Variants in KATNAL1 observed in about 807,000 individuals in gnomAD.
KATNAL1 encodes katanin p60 ATPase-containing subunit A-like 1.
In KATNAL1, 32 loss-of-function variants were observed where a neutral mutation model predicts 55.2. That is an observed-to-expected ratio of 0.58 (90% CI 0.44 to 0.78). The LOEUF (loss-of-function observed/expected upper bound fraction) is 0.78. Ranked by LOEUF, KATNAL1 falls within the 30% of genes least tolerant of loss-of-function variation. KATNAL1 has a pLI of 0.00. For synonymous variants in KATNAL1, 193 were observed against 193.6 expected (o/e 1.00, Z 0.02); for missense variants, 466 against 600.9 (o/e 0.78, Z 2.35).
intron 4 of KATNAL1, among the ~76,000 whole-genome samples, chr13:30,244,391 G>T (rs986511743): frequency 1.3e-5 from 2 of 152,076 alleles, no homozygotes; most frequent in African/African-American, 2.4e-5. Context: ...ATAAACATAC[G>T]TGTACATGTG....
In KATNAL1 at chr13:30,240,602, A is replaced by C. The variant is rs1566100965; in HGVS notation, c.621-37T>G. 6.4e-6 allele frequency: 9 copies of C among 1,395,648 alleles called. No individual in the cohort carries two copies. In the South Asian group the frequency reaches 8.5e-5, roughly 13 times the overall value. 86.5% of individuals were successfully genotyped at this position (1,395,648 alleles called of 1,614,324 possible). On this transcript the variant is annotated intron_variant, in intron 5 of 10. Transcript: ENST00000380615. ...CAGCAAACTTTCATAATGTTTACTC[A>C]GGGATCTTTGATTTATGGTCAAAAC...
intron 3 of KATNAL1, among the ~76,000 whole-genome samples, chr13:30,276,493 G>A (rs1481894270): frequency 1.1e-4 from 16 of 144,230 alleles, no homozygotes; most frequent in Admixed American, 5.5e-4. Flanking sequence ...ATAAAACAGG[G>A]TAAATTACAA....
At chr13:30,295,687 G>A (rs527238456) in intron 1 of KATNAL1, among the ~76,000 whole-genome samples, 2 of 152,226 alleles carry the variant, frequency 1.3e-5, no homozygotes, top group Admixed American at 1.3e-4. Flanking sequence ...ATCTACTCCT[G>A]GTGAAGATGC....
rs183052386 is a variant in KATNAL1, at chr13:30,305,629, G to C, written c.-15+1702C>G. ...AAAATCAGTAACTACTTCACCAACT[G>C]TTTTGAGGATTAAGTAAGGAGTTGC... is the stretch of plus-strand genomic sequence containing the variant. On this transcript the variant is annotated intron_variant, in intron 1 of 10. Transcript: ENST00000380615. Among the ~76,000 whole-genome samples the C allele has an allele frequency of 2.6e-5, 4 of 152,308 alleles. No homozygotes were observed. In the East Asian group the frequency reaches 5.8e-4, roughly 22 times the overall value.
chr13:30,260,763 C>G (rs565313741), intron 3 of KATNAL1, among the ~76,000 whole-genome samples: 2 of 139,266 alleles, frequency 1.4e-5, no homozygotes, highest in East Asian at 2.0e-4. Flanking sequence ...CTGAAAGTGA[C>G]GGGAGAATGG....
chr13:30,275,654 T>C (rs186840897), intron 3 of KATNAL1, among the ~76,000 whole-genome samples: 21 of 152,266 alleles, frequency 1.4e-4, no homozygotes, highest in Non-Finnish European at 2.8e-4. Flanking sequence ...AAGGTGACTG[T>C]AGTTAACAAT....
rs1373050364 is a variant in KATNAL1, at chr13:30,255,626, A to C, written c.324-11T>G. ...ATCTGAGGTGGAGCTCTGACAAAAA[A>C]AAAAAAAAAAAAATTAAAATTAAAA... On this transcript the variant is annotated splice_polypyrimidine_tract_variant and intron_variant, in intron 3 of 10. Transcript: ENST00000380615. 1 of 1,390,444 alleles carries C rather than the reference A, an allele frequency of 7.2e-7. No homozygotes were observed. The highest frequency in any genetic ancestry group is 9.4e-7 in the Non-Finnish European group (1 of 1,064,802). 86.1% of individuals were successfully genotyped at this position (1,390,444 alleles called of 1,614,324 possible).
chr13:30,287,161 G>T (rs1044592772), intron 1 of KATNAL1, among the ~76,000 whole-genome samples: 7 of 152,188 alleles, frequency 4.6e-5, no homozygotes, highest in Non-Finnish European at 1.0e-4. Context: ...GGAAAGGAAT[G>T]ATTTGCAATG....
rs528844771 is a variant in KATNAL1, at chr13:30,307,442, A to G, written c.-126T>C. ...AGTCCGTTAGCTCGCGACGTGCGTG[A>G]AAAGGCGGCGGCGGCGTAGTGTTGC... On this transcript the variant is annotated 5_prime_UTR_variant, in exon 1 of 11. Transcript: ENST00000380615. 2.6e-5 allele frequency: 4 copies of G among 152,968 alleles called. No individual in the cohort carries two copies. The East Asian group carries it at 7.7e-4, about 29-fold the overall frequency. 9.5% of individuals were successfully genotyped at this position (152,968 alleles called of 1,614,324 possible). A position where few individuals can be genotyped will look rare whatever the true frequency, so the allele number is the denominator to read the frequency against.
At chr13:30,282,689 T>C (rs1158853068) in intron 2 of KATNAL1, among the ~76,000 whole-genome samples, 2 of 148,882 alleles carry the variant, frequency 1.3e-5, no homozygotes, top group Non-Finnish European at 3.0e-5. Context: ...GCGTGGTGGC[T>C]CATGCTTGTA....
intron 4 of KATNAL1, among the ~76,000 whole-genome samples, chr13:30,249,203 A>T (rs915189668): frequency 2.6e-5 from 4 of 152,192 alleles, no homozygotes; most frequent in Admixed American, 2.0e-4. Context: ...TTGAACTCCA[A>T]CCTAGGCGAC....
At chr13:30,216,394 C>T (rs564835597) in intron 9 of KATNAL1, among the ~76,000 whole-genome samples, 1 of 152,268 alleles carries the variant, frequency 6.6e-6, no homozygotes, top group Non-Finnish European at 1.5e-5. Context: ...GTCTGCTTCA[C>T]CAGCTACTGG....
At chr13:30,287,832 C>G (rs557945535) in intron 1 of KATNAL1, among the ~76,000 whole-genome samples, 1 of 152,280 alleles carries the variant, frequency 6.6e-6, no homozygotes, top group South Asian at 2.1e-4. Flanking sequence ...TGATACAAAT[C>G]AGGGGTTGCC....
chr13:30,210,890 G>C (rs1160659738), intron 9 of KATNAL1, among the ~76,000 whole-genome samples: 1 of 152,110 alleles, frequency 6.6e-6, no homozygotes, highest in Admixed American at 6.5e-5. Context: ...TGGATCTCCA[G>C]AACTCTTATC....
At chr13:30,223,796 A>C (rs183296198) in intron 9 of KATNAL1, among the ~76,000 whole-genome samples, 1 of 152,364 alleles carries the variant, frequency 6.6e-6, no homozygotes, top group Non-Finnish European at 1.5e-5. Context: ...TCAGTAACTG[A>C]CAGAAAAACT....
chr13:30,298,229 A>G (rs888219467), intron 1 of KATNAL1, among the ~76,000 whole-genome samples: 1 of 152,224 alleles, frequency 6.6e-6, no homozygotes, highest in East Asian at 1.9e-4. Context: ...GTATGCCTGC[A>G]GTTTTGTCAG....
chr13:30,276,945 T>C (rs1880889478), intron 3 of KATNAL1, among the ~76,000 whole-genome samples: 1 of 152,206 alleles, frequency 6.6e-6, no homozygotes, highest in African/African-American at 2.4e-5. Flanking sequence ...GTGATGATAA[T>C]ATGCATATAC....
intron 3 of KATNAL1, among the ~76,000 whole-genome samples, chr13:30,267,037 A>C (rs1408253953): frequency 6.6e-6 from 1 of 152,178 alleles, no homozygotes; most frequent in African/African-American, 2.4e-5. Flanking sequence ...AATCATTTTG[A>C]GAGTGGGGCA....
intron 3 of KATNAL1, among the ~76,000 whole-genome samples, chr13:30,265,090 G>A (rs1291784449): frequency 6.6e-6 from 1 of 151,416 alleles, no homozygotes; most frequent in Non-Finnish European, 1.5e-5. Flanking sequence ...GGATGAAATT[G>A]GAAATCATCA....
Sources: gnomAD v4.1 joint callset for allele counts (sites outside exome capture counted in the v4.1 genomes callset) on GRCh38, gnomAD v4.1.1 for gene constraint, MANE v1.5 for transcripts, NCBI Gene and HGNC (gene_info 2026-07-23, HGNC 2026-07-21) for gene names.